Variants in ASIC2 observed in about 807,000 individuals in gnomAD.
The protein encoded by ASIC2 is acid sensing ion channel subunit 2.
A neutral mutation model predicts 57.3 loss-of-function variants in ASIC2; 25 were observed. That is an observed-to-expected ratio of 0.44 (90% CI 0.32 to 0.61). The LOEUF is 0.61. Ranked by LOEUF, ASIC2 falls within the 20% of genes least tolerant of loss-of-function variation. The pLI is 0.06. For missense variants in ASIC2, 641 were observed against 738.1 expected (o/e 0.87, Z 1.52); for synonymous variants, 319 against 307.5 (o/e 1.04, Z -0.39).
At chr17:33,199,210 G>T (rs1487543939) in intron 1 of ASIC2, among the ~76,000 whole-genome samples, 1 of 152,128 alleles carries the variant, frequency 6.6e-6, no homozygotes, top group Non-Finnish European at 1.5e-5. Flanking sequence ...TGGTGTAATG[G>T]CTCATTCTAA....
At chr17:33,584,059 C>T (rs1033963319) in intron 1 of ASIC2, among the ~76,000 whole-genome samples, 1 of 152,070 alleles carries the variant, frequency 6.6e-6, no homozygotes, top group African/African-American at 2.4e-5. Flanking sequence ...TGGCACAGTT[C>T]GGAAATCCGT....
At chr17:33,015,076 C>T (rs1339065376) in intron 9 of ASIC2, among the ~76,000 whole-genome samples, 6 of 152,208 alleles carry the variant, frequency 3.9e-5, no homozygotes, top group African/African-American at 1.4e-4. Flanking sequence ...ACAGAGGCTG[C>T]AGGGGACCGG....
intron 1 of ASIC2, among the ~76,000 whole-genome samples, chr17:33,750,083 T>A (rs1476816696): frequency 6.6e-6 from 1 of 152,144 alleles, no homozygotes; most frequent in Non-Finnish European, 1.5e-5. Context: ...CCATTGCATA[T>A]CTATTCTGTG....
rs1490929 is a variant in ASIC2 at position 33,735,377 on chromosome 17, G to A, written c.555+420601C>T. 4.8e-3 allele frequency among the ~76,000 whole-genome samples: 736 copies of A among 152,290 alleles called. 2 individuals carry two copies. Among genetic ancestry groups the A allele is most frequent in the African/African-American group, 0.017 (696 of 41,558 alleles). On this transcript the variant is annotated intron_variant, in intron 1 of 9. Transcript: ENST00000359872. The stretch of plus-strand genomic sequence containing the variant: ...AGGGCTCCGTGCTTTTCCTGGTACA[G>A]GCCATTAGGAAAGGTTCACTGTATT...
chr17:34,117,568 T>C (rs541432324), intron 1 of ASIC2, among the ~76,000 whole-genome samples: 1 of 152,082 alleles, frequency 6.6e-6, no homozygotes, highest in Non-Finnish European at 1.5e-5. Flanking sequence ...GAACCTGGGG[T>C]CCAGACTGGG....
At chr17:34,062,015 G>A (rs1310362651) in intron 1 of ASIC2, among the ~76,000 whole-genome samples, 3 of 152,018 alleles carry the variant, frequency 2.0e-5, no homozygotes, top group Admixed American at 1.3e-4. Flanking sequence ...CTATACCTTG[G>A]AACAAATGGA....
intron 1 of ASIC2, among the ~76,000 whole-genome samples, chr17:34,054,628 C>T (rs1239852340): frequency 2.0e-5 from 3 of 152,110 alleles, no homozygotes; most frequent in African/African-American, 7.2e-5. Flanking sequence ...CATGTCCTAC[C>T]CGATATTTGC....
chr17:33,433,167 T>C (rs965401202), intron 1 of ASIC2, among the ~76,000 whole-genome samples: 5 of 152,142 alleles, frequency 3.3e-5, no homozygotes, highest in Non-Finnish European at 1.5e-5. Flanking sequence ...CCATCAATAG[T>C]AGACTGGATA....
At chr17:33,052,757 T>A (rs2091982418) in intron 3 of ASIC2, 2 of 152,216 alleles carry the variant, frequency 1.3e-5, no homozygotes. Flanking sequence ...GTGAGTTCAC[T>A]GCACAGATAA....
At chr17:33,031,580 T>C (rs2091883860) in intron 3 of ASIC2, among the ~76,000 whole-genome samples, 1 of 152,216 alleles carries the variant, frequency 6.6e-6, no homozygotes, top group Admixed American at 6.5e-5. Flanking sequence ...TCTGTAACTG[T>C]TGGCGTACTG....
At chr17:34,124,195 T>C (rs1057463894) in intron 1 of ASIC2, among the ~76,000 whole-genome samples, 1 of 152,244 alleles carries the variant, frequency 6.6e-6, no homozygotes. Context: ...AGAGATTATG[T>C]AACAGAAAGA....
intron 1 of ASIC2, among the ~76,000 whole-genome samples, chr17:33,856,154 C>A (rs73988958): frequency 0.023 from 3,529 of 152,272 alleles, 77 homozygotes; most frequent in Admixed American, 0.074. Flanking sequence ...GGGACTCTGA[C>A]ATCTGACTGG....
chr17:33,841,493 A>C (rs1199346936), intron 1 of ASIC2, among the ~76,000 whole-genome samples: 1 of 152,258 alleles, frequency 6.6e-6, no homozygotes, highest in Non-Finnish European at 1.5e-5. Flanking sequence ...ATGAGTGCAC[A>C]TCCCAGGTTC....
chr17:33,611,660 A>C (rs932926492), intron 1 of ASIC2, among the ~76,000 whole-genome samples: 2 of 152,246 alleles, frequency 1.3e-5, no homozygotes, highest in Non-Finnish European at 1.5e-5. Context: ...ATCTGGAGCA[A>C]GATCTTCTCA....
At position 33,375,425 on chromosome 17, in the gene ASIC2, G is replaced by A. The variant is rs186951948; in HGVS notation, c.556-263358C>T. Reference sequence around the variant, plus strand: ...GAGAGTGGCAGGAGAAGAGGTCAGGGAGGTGCAGGGACAGGCTATGAAGAT... The same window carrying A: ...GAGAGTGGCAGGAGAAGAGGTCAGGAAGGTGCAGGGACAGGCTATGAAGAT... On this transcript the variant is annotated intron_variant, in intron 1 of 9. Transcript: ENST00000359872. 8.2e-4 allele frequency among the ~76,000 whole-genome samples: 125 copies of A among 152,294 alleles called. No homozygotes were observed. The East Asian group carries it at 0.022, about 26-fold the overall frequency.
chr17:33,773,602 AG>A lies in ASIC2; in HGVS notation c.555+382375del, dbSNP rs1480519221. 2.0e-5 allele frequency among the ~76,000 whole-genome samples: 3 copies of A among 152,012 alleles called. No individual in the cohort carries two copies. The East Asian group carries it at 5.8e-4, about 29-fold the overall frequency. ...AAGGAAAGAGAGAAGAGATTCACCA[AG>A]ATGCACTGAATGTCTTTTAGGTTTA... is the stretch of plus-strand genomic sequence containing the variant. On this transcript the variant is annotated intron_variant, in intron 1 of 9. Coordinates refer to the ASIC2 transcript ENST00000359872.
intron 1 of ASIC2, among the ~76,000 whole-genome samples, chr17:34,120,849 C>T (rs1911597176): frequency 1.3e-5 from 2 of 150,214 alleles, no homozygotes; most frequent in Admixed American, 6.7e-5. Flanking sequence ...AGCGATTCTC[C>T]TCCTTCAGCC....
intron 1 of ASIC2, among the ~76,000 whole-genome samples, chr17:34,102,572 T>C (rs961351483): frequency 6.6e-6 from 1 of 152,186 alleles, no homozygotes; most frequent in Admixed American, 6.5e-5. Flanking sequence ...TCATATGGCA[T>C]ATAGCCTTTT....
intron 1 of ASIC2, among the ~76,000 whole-genome samples, chr17:33,916,509 C>G (rs963672738): frequency 2.6e-5 from 4 of 152,194 alleles, no homozygotes; most frequent in Admixed American, 6.5e-5. Flanking sequence ...TTCAATTTAA[C>G]TCAGTCTTTT....
Sources: allele counts gnomAD v4.1 joint callset (sites outside exome capture counted in the v4.1 genomes callset), GRCh38; gene constraint gnomAD v4.1.1; transcripts MANE v1.5; gene names NCBI Gene and HGNC (gene_info 2026-07-23, HGNC 2026-07-21).